GAB4: variants seen among roughly 807,000 people sequenced by gnomAD.
GAB4 encodes the protein GRB2-associated-binding protein 4.
Under a neutral mutation model 51.3 loss-of-function variants are expected in GAB4, and 26 were observed. That is an observed-to-expected ratio of 0.51 (90% CI 0.37 to 0.70). The LOEUF (loss-of-function observed/expected upper bound fraction) is 0.70. Among genes scored for constraint, GAB4 ranks in the 30% least tolerant of loss-of-function variants. The pLI is 0.00. For missense variants in GAB4, 759 were observed against 734.6 expected, an observed-to-expected ratio of 1.03 and a Z score of -0.38; for synonymous variants, 329 against 291.2, an observed-to-expected ratio of 1.13 and a Z score of -1.32.
In GAB4 at chr22:16,973,912, AG is replaced by A. The variant is rs749660504; in HGVS notation, c.687-3720del. 4.1e-4 allele frequency among the ~76,000 whole-genome samples: 63 copies of A among 152,226 alleles called. 1 individual carries two copies. Among genetic ancestry groups the A allele is most frequent in the Non-Finnish European group, 8.5e-4 (58 of 68,038 alleles). ...CCAACCATGTCCTCCAAGACAGCAGAGGGCCACATCCTGTCCCATGGAATTA... is the reference window on the plus strand; with the variant it reads ...CCAACCATGTCCTCCAAGACAGCAGAGGCCACATCCTGTCCCATGGAATTA... On this transcript the variant is annotated intron_variant, in intron 3 of 9. Coordinates refer to ENST00000400588, the MANE Select transcript of GAB4 (RefSeq NM_001037814.1).
rs184119846 is a variant in GAB4 at position 16,965,263 on chromosome 22, G to C, written c.1294C>G (p.Pro432Ala). ...TTGTTTCTCAGGTTGGGCGGTGTTG[G>C]GTTGGCTGGAGCAGGAAAAGAACCT... The part of the protein sequence containing the change: ...RSLKPNQKAN[P>A]TPPNLRNNRV... The change falls in exon 7 of 10, where the codon CCA (proline) becomes GCA (alanine). Residue 432 changes from proline to alanine, a missense_variant. Pro to Ala is a conservative substitution (Grantham distance 27). This residue lies in a region of GAB4 where 588 missense variants were observed against 510.2 expected (regional missense o/e 1.15). Transcript: ENST00000400588. 1.2e-5 allele frequency: 20 copies of C among 1,613,690 alleles called. No homozygotes were observed. In the African/African-American group the frequency reaches 2.5e-4, roughly 20 times the overall value.
intron 3 of GAB4, among the ~76,000 whole-genome samples, chr22:16,979,702 G>A (rs578251095): frequency 3.9e-5 from 6 of 152,200 alleles, no homozygotes; most frequent in East Asian, 1.9e-4. Flanking sequence ...AGCCCATATC[G>A]CCAAGACAGT....
chr22:16,999,778 A>G (rs1410015821), intron 1 of GAB4, among the ~76,000 whole-genome samples: 1 of 152,162 alleles, frequency 6.6e-6, no homozygotes, highest in Non-Finnish European at 1.5e-5. Context: ...GTGGGCATTT[A>G]GTGCTATAAA....
At chr22:16,973,380 G>T (rs1379772899) in intron 3 of GAB4, among the ~76,000 whole-genome samples, 3 of 152,154 alleles carry the variant, frequency 2.0e-5, no homozygotes, top group African/African-American at 2.4e-5. Context: ...AGAAAAGTGG[G>T]GTGCTGCCAT....
At position 16,974,153 on chromosome 22, in the gene GAB4, C is replaced by A. The variant is rs145740542; in HGVS notation, c.687-3960G>T. On this transcript the variant is annotated intron_variant, in intron 3 of 9. Coordinates refer to ENST00000400588, the MANE Select transcript of GAB4 (RefSeq NM_001037814.1). ...GAGGAGAACTCTGAGGACTCCATTA[C>A]TGCCATGCACACCCATGTGAGGCCA... Among the ~76,000 whole-genome samples the A allele has an allele frequency of 3.7e-3, 558 of 152,356 alleles. 5 individuals are homozygous for A. Among genetic ancestry groups the A allele is most frequent in the South Asian group, 0.036 (172 of 4,830 alleles).
intron 5 of GAB4, among the ~76,000 whole-genome samples, 194 bp downstream of exon 5, chr22:16,968,104 T>A (rs116965168): frequency 6.6e-6 from 1 of 152,302 alleles, no homozygotes; most frequent in East Asian, 1.9e-4. Flanking sequence ...AAGTACTCAC[T>A]TTCTTCCAGA....
At position 16,965,133 on chromosome 22, in the gene GAB4, C is replaced by T. The variant is rs753023838; in HGVS notation, c.1379+45G>A. 6 of 1,445,312 alleles carry T rather than the reference C, an allele frequency of 4.2e-6. No individual in the cohort carries two copies. In the Admixed American group the frequency reaches 1.1e-4, roughly 27 times the overall value. The allele number at this position is 1,445,312 out of a possible 1,614,324, so 89.5% of individuals were successfully genotyped here. ...CCAATGACCATCCCACTCACTCCTC[C>T]ACCGGCCCGGTCCCAAGCTCCTGTT... On this transcript the variant is annotated intron_variant, in intron 7 of 9. Coordinates refer to ENST00000400588, the MANE Select transcript of GAB4 (RefSeq NM_001037814.1).
chr22:16,995,561 G>A (rs1353949760), intron 1 of GAB4, among the ~76,000 whole-genome samples: 1 of 152,218 alleles, frequency 6.6e-6, no homozygotes, highest in East Asian at 1.9e-4. Flanking sequence ...ATACAGGAGA[G>A]CTCCAGCTGG....
chr22:17,006,074 G>A (rs5746960), intron 1 of GAB4, among the ~76,000 whole-genome samples: 53,214 of 152,016 alleles, frequency 0.35, 9,635 homozygotes, highest in South Asian at 0.46. Context: ...TATCATCAGC[G>A]TGAACAGGCA....
In GAB4 at chr22:17,001,983, T is replaced by G. The variant is rs546376665; in HGVS notation, c.174+5958A>C. Among the ~76,000 whole-genome samples, 9 of 152,302 alleles carry G rather than the reference T, an allele frequency of 5.9e-5. No individual in the cohort carries two copies. In the East Asian group the frequency reaches 1.5e-3, roughly 26 times the overall value. ...GAGCCAGGTGTGGGATATATTCTCC[T>G]GGTGTGCTGTTTGTTAGGGCCATTG... is the stretch of plus-strand genomic sequence containing the variant. On this transcript the variant is annotated intron_variant, in intron 1 of 9. Coordinates refer to ENST00000400588, the MANE Select transcript of GAB4 (RefSeq NM_001037814.1).
rs769322657 is a variant in GAB4, at chr22:16,970,010, G to A, written c.870C>T (p.Ile290=). Reference sequence around the variant, plus strand: ...GGCCATGGGAGGCCAGGCTCCAGGGGATTCTGTGGGTGCTGCCTCTGAATT... The same window carrying A: ...GGCCATGGGAGGCCAGGCTCCAGGGAATTCTGTGGGTGCTGCCTCTGAATT... ...NAEFRGSTHR[I]PWSLASHGHT... The change falls in exon 4 of 10, where the codon ATC becomes ATT. Residue 290 remains isoleucine (I), a synonymous_variant. Coordinates refer to ENST00000400588, the MANE Select transcript of GAB4 (RefSeq NM_001037814.1). 7 of 1,614,176 alleles carry A rather than the reference G, an allele frequency of 4.3e-6. No individual in the cohort carries two copies. Among genetic ancestry groups the A allele is most frequent in the Admixed American group, 1.7e-5 (1 of 60,018 alleles).
At chr22:16,993,927 G>C (rs569144886) in intron 1 of GAB4, among the ~76,000 whole-genome samples, 1 of 152,270 alleles carries the variant, frequency 6.6e-6, no homozygotes, top group African/African-American at 2.4e-5. Context: ...GGGGAACACA[G>C]AGAGTTCATC....
At chr22:16,986,521 G>A (rs4819934) in intron 3 of GAB4, among the ~76,000 whole-genome samples, 13,899 of 152,190 alleles carry the variant, frequency 0.091, 680 homozygotes, top group African/African-American at 0.11. Flanking sequence ...TGAGTTAGTC[G>A]TTTCCATTCT....
chr22:16,966,460 G>A lies in GAB4; in HGVS notation c.1024-96C>T, dbSNP rs190276540. 8,063 of 1,304,588 alleles carry A rather than the reference G, an allele frequency of 6.2e-3. 48 individuals carry two copies. The highest frequency in any genetic ancestry group is 0.013 in the Middle Eastern group (68 of 5,202). The allele number at this position is 1,304,588 out of a possible 1,614,324, so 80.8% of individuals were successfully genotyped here. A position where few individuals can be genotyped will look rare whatever the true frequency, so the allele number is the denominator to read the frequency against. On this transcript the variant is annotated intron_variant, in intron 5 of 9. Transcript: ENST00000400588. ...CAAGGCCAAAAAGAGTCATGACGGG[G>A]TGTTTTGAACGAAACTTTTGATCAC... is the stretch of plus-strand genomic sequence containing the variant.
Position 16,962,724 on chromosome 22 carries a change from T to C in GAB4, c.*9A>G. 5 of 1,607,298 alleles carry C rather than the reference T, an allele frequency of 3.1e-6. No homozygotes were observed. Among genetic ancestry groups the C allele is most frequent in the Non-Finnish European group, 4.2e-6 (5 of 1,178,186 alleles). ...TGTCCTGGCCCCACTCTGGTTTTGG[T>C]GGCCCGAGTCACAGCTTGGCGCCCC... On this transcript the variant is annotated 3_prime_UTR_variant, in exon 10 of 10. Coordinates refer to ENST00000400588, the MANE Select transcript of GAB4 (RefSeq NM_001037814.1).
chr22:16,964,766 C>G lies in GAB4; in HGVS notation c.1476G>C (p.Pro492=). ...SEDSGERYLF[P]NPASAFPVSG... is the part of the protein sequence containing the mutation. Reference sequence around the variant, plus strand: ...CTTACAGTGACCCCCAAGGACTCACCGGGAAAAGATACCTCTCTCCACTGT... The same window carrying G: ...CTTACAGTGACCCCCAAGGACTCACGGGGAAAAGATACCTCTCTCCACTGT... Residue 492 remains proline, a splice_region_variant and synonymous_variant, in exon 8 of 10, where the codon CCG becomes CCC. Coordinates refer to ENST00000400588, the MANE Select transcript of GAB4 (RefSeq NM_001037814.1). The G allele has an allele frequency of 6.2e-7, 1 of 1,607,414 alleles. No individual in the cohort carries two copies. The highest frequency in any genetic ancestry group is 1.3e-5 in the African/African-American group (1 of 74,796).
intron 3 of GAB4, among the ~76,000 whole-genome samples, chr22:16,973,364 A>T (rs546685817): frequency 6.6e-6 from 1 of 152,354 alleles, no homozygotes; most frequent in African/African-American, 2.4e-5. Flanking sequence ...ATGAAAAAGT[A>T]AATAAAGAAA....
At position 17,008,069 on chromosome 22, in the gene GAB4, C is replaced by G. The variant is rs1285525393; in HGVS notation, c.46G>C (p.Asp16His). The G allele has an allele frequency of 6.2e-7, 1 of 1,607,826 alleles. No homozygotes were observed. The highest frequency in any genetic ancestry group is 1.7e-5 in the Admixed American group (1 of 59,262). Residue 16 changes from aspartate to histidine, a missense_variant, in exon 1 of 10, where the codon GAC becomes CAC. Asp to His is a moderately conservative substitution (Grantham distance 81). Around this residue, in one of 3 missense-constraint regions of GAB4, gnomAD observed 83 missense variants for 73.1 expected, o/e 1.14. Coordinates refer to ENST00000400588, the MANE Select transcript of GAB4 (RefSeq NM_001037814.1). ...PSPSRELCPP[D>H]PAFAPLSSWP... ...GAAGACAAAGGCGCAAATGCCGGGT[C>G]AGGTGGGCACAGCTCCCGGGAGGGT...
At chr22:16,968,470 T>C in intron 4 of GAB4, 87 bp from the exon 5 acceptor site, 1 of 916,430 alleles carries the variant, frequency 1.1e-6, no homozygotes, top group Non-Finnish European at 1.8e-6. Flanking sequence ...GCTTAGGGTC[T>C]CGCTGATGCT....
Sources: allele counts gnomAD v4.1 joint callset (sites outside exome capture counted in the v4.1 genomes callset), GRCh38; gene constraint gnomAD v4.1.1; regional missense constraint gnomAD v4.1.1; transcripts MANE v1.5; gene names NCBI Gene and HGNC (gene_info 2026-07-23, HGNC 2026-07-21).